Variants in HOGA1 observed in about 807,000 individuals in gnomAD.
HOGA1 encodes 4-hydroxy-2-oxoglutarate aldolase 1, also known as 4-hydroxy-2-oxoglutarate aldolase, mitochondrial.
A neutral mutation model predicts 34.3 loss-of-function variants in HOGA1; 30 were observed. The ratio of observed to expected loss-of-function variants is 0.87; its 90% CI spans 0.65 to 1.19. The LOEUF (loss-of-function observed/expected upper bound fraction) is 1.19. Ranked by LOEUF, HOGA1 falls within the 50% of genes most tolerant of loss-of-function variation. The pLI is 0.00. For synonymous variants in HOGA1, 161 were observed against 174.0 expected (o/e 0.93, Z 0.59); for missense variants, 417 against 436.5 (o/e 0.96, Z 0.40).
At position 97,599,787 on chromosome 10, in the gene HOGA1, T is replaced by C. The variant is rs1333379297; in HGVS notation, c.576T>C (p.Ile192=). ...AVVTLSQHPN[I]VGMKDSGGDV... is the part of the protein sequence containing the mutation. ...TCACGCTTTCCCAGCACCCGAATATTGTGGGCATGAAGGACAGCGGTGGTG... is the reference window on the plus strand; with the variant it reads ...TCACGCTTTCCCAGCACCCGAATATCGTGGGCATGAAGGACAGCGGTGGTG... Residue 192 remains isoleucine, a synonymous_variant, in exon 4 of 7, where the codon ATT becomes ATC. Transcript: ENST00000370646. 1 of 1,614,048 alleles carries C rather than the reference T, an allele frequency of 6.2e-7. No homozygotes were observed. The highest frequency in any genetic ancestry group is 1.3e-5 in the African/African-American group (1 of 74,910).
Position 97,611,502 on chromosome 10 carries a change from C to G in HOGA1, c.835-8C>G. ...TCTCAGTCTCTTCTAACAGGCCCTGCTTTGCAGGTGACCCGGCGCTTTGGG... is the reference window on the plus strand; with the variant it reads ...TCTCAGTCTCTTCTAACAGGCCCTGGTTTGCAGGTGACCCGGCGCTTTGGG... On this transcript the variant is annotated splice_polypyrimidine_tract_variant and splice_region_variant and intron_variant, in intron 6 of 6. Transcript: ENST00000370646. The G allele has an allele frequency of 6.2e-7, 1 of 1,614,232 alleles. No homozygotes were observed.
chr10:97,595,830 T>C (rs2041066273), intron 1 of HOGA1, among the ~76,000 whole-genome samples: 2 of 152,204 alleles, frequency 1.3e-5, no homozygotes, highest in Non-Finnish European at 2.9e-5. Flanking sequence ...TTTCTGCTTT[T>C]TCCCCAGTCC....
At chr10:97,591,817 TTGTGTGTGTGTGTG>T (rs56742680) in intron 1 of HOGA1, among the ~76,000 whole-genome samples, 22 of 111,056 alleles carry the variant, frequency 2.0e-4, no homozygotes, top group African/African-American at 6.9e-4. Context: ...TTCTTTCATT[TTGTGTGTGTGTGTG>T]TGTGTGTGTG....
At chr10:97,586,695 A>G (rs2040973791) in intron 1 of HOGA1, among the ~76,000 whole-genome samples, 1 of 152,192 alleles carries the variant, frequency 6.6e-6, no homozygotes, top group Non-Finnish European at 1.5e-5. Context: ...GAATCCACAG[A>G]GACCCCCAGA....
intron 6 of HOGA1, among the ~76,000 whole-genome samples, chr10:97,609,250 A>G (rs1261479103): frequency 6.6e-6 from 1 of 152,196 alleles, no homozygotes; most frequent in Non-Finnish European, 1.5e-5. Context: ...CCACCGGGAC[A>G]GGAAACGGAG....
intron 1 of HOGA1, among the ~76,000 whole-genome samples, chr10:97,589,044 G>T (rs1564754988): frequency 6.6e-6 from 1 of 152,108 alleles, no homozygotes; most frequent in Non-Finnish European, 1.5e-5. Flanking sequence ...GGGTTTGTAG[G>T]TGCCTCACTA....
intron 5 of HOGA1, chr10:97,600,776 G>T (rs1105999): frequency 0.59 from 94,224 of 159,872 alleles, 28,537 homozygotes; most frequent in Non-Finnish European, 0.68. Context: ...GAGATTTGAG[G>T]GACTTTTCCA....
At chr10:97,592,900 G>A (rs775308644) in intron 1 of HOGA1, among the ~76,000 whole-genome samples, 8 of 151,760 alleles carry the variant, frequency 5.3e-5, no homozygotes, top group Admixed American at 3.3e-4. Flanking sequence ...GCATGGTGGT[G>A]CCCACCTTAA....
chr10:97,590,260 G>T lies in HOGA1; in HGVS notation c.211+5346G>T, dbSNP rs7093840. ...CTGGAAAAGCCCCATCCACTGATGA[G>T]GCCACGTGGGCCGCTGTGGCTGCCT... On this transcript the variant is annotated intron_variant, in intron 1 of 6. Coordinates refer to ENST00000370646, the MANE Select transcript of HOGA1 (RefSeq NM_138413.4). 168 of 1,613,544 alleles carry T rather than the reference G, an allele frequency of 1.0e-4. 1 individual carries two copies. The African/African-American group carries it at 1.6e-3, about 16-fold the overall frequency.
intron 6 of HOGA1, among the ~76,000 whole-genome samples, chr10:97,610,655 C>T (rs150630755): frequency 0.021 from 3,263 of 152,076 alleles, 115 homozygotes; most frequent in African/African-American, 0.072. Context: ...ATAAAACGAG[C>T]TTGGTGTGGT....
chr10:97,611,364 T>C, intron 6 of HOGA1, 146 bp from the exon 7 acceptor site: 1 of 827,386 alleles, frequency 1.2e-6, no homozygotes, highest in Non-Finnish European at 2.0e-6. Context: ...GGATTCCCAA[T>C]GTACCCTGGG....
intron 6 of HOGA1, among the ~76,000 whole-genome samples, chr10:97,602,890 C>A (rs2041130843): frequency 6.6e-6 from 1 of 152,230 alleles, no homozygotes; most frequent in African/African-American, 2.4e-5. Context: ...TGGGGTTTCA[C>A]CATATTGGCT....
At position 97,599,132 on chromosome 10, in the gene HOGA1, CG is replaced by C. The variant is rs1249492478; in HGVS notation, c.388del (p.Ala130LeufsTer7). 1 of 1,613,606 alleles carries C rather than the reference CG, an allele frequency of 6.2e-7. No homozygotes were observed. The highest frequency in any genetic ancestry group is 8.5e-7 in the Non-Finnish European group (1 of 1,180,030). ...VEMTVSMAQVGADAAMVVTPC... is the reference protein window; with the variant it reads ...VEMTVSMAQVXADAAMVVTPC... ...AGATGACCGTCAGCATGGCCCAGGTCGGGGCTGACGCGGCCATGGTGGTGAC... is the reference window on the plus strand; with the variant it reads ...AGATGACCGTCAGCATGGCCCAGGTCGGGCTGACGCGGCCATGGTGGTGAC... On this transcript the variant is annotated frameshift_variant, in exon 3 of 7. Coordinates refer to ENST00000370646, the MANE Select transcript of HOGA1 (RefSeq NM_138413.4). LOFTEE classifies it high-confidence loss of function.
chr10:97,612,221 A>T lies in HOGA1; in HGVS notation c.*562A>T, dbSNP rs1472824966. On this transcript the variant is annotated 3_prime_UTR_variant, in exon 7 of 7. Transcript: ENST00000370646. ...CACCGTGTTGGCCAGGCTGGTCTTGAACTCCTGACCTCAGGTGATCCAACT... is the reference window on the plus strand; with the variant it reads ...CACCGTGTTGGCCAGGCTGGTCTTGTACTCCTGACCTCAGGTGATCCAACT... The T allele has an allele frequency of 6.5e-6, 1 of 153,398 alleles. No homozygotes were observed. Among genetic ancestry groups the T allele is most frequent in the East Asian group, 1.9e-4 (1 of 5,194 alleles). 9.5% of individuals were successfully genotyped at this position (153,398 alleles called of 1,614,324 possible). A position where few individuals can be genotyped will look rare whatever the true frequency, so the allele number is the denominator to read the frequency against.
In HOGA1 at chr10:97,611,924, C is replaced by G; in HGVS notation, c.*265C>G. On this transcript the variant is annotated 3_prime_UTR_variant, in exon 7 of 7. Coordinates refer to ENST00000370646, the MANE Select transcript of HOGA1 (RefSeq NM_138413.4). ...GGGAAGGAGCAATTTCTCAATTTAT[C>G]TTTCTACTGTGGATGCTTTCCTACG... 1.9e-6 allele frequency: 1 copy of G among 519,362 alleles called. No homozygotes were observed. The highest frequency in any genetic ancestry group is 3.5e-6 in the Non-Finnish European group (1 of 289,390). 32.2% of individuals were successfully genotyped at this position (519,362 alleles called of 1,614,324 possible). A position where few individuals can be genotyped will look rare whatever the true frequency, so the allele number is the denominator to read the frequency against.
chr10:97,600,578 G>A (rs1382473269), intron 5 of HOGA1: 2 of 279,758 alleles, frequency 7.1e-6, no homozygotes, highest in African/African-American at 4.4e-5. Flanking sequence ...CAGATCTACA[G>A]AGTTGAGCCA....
chr10:97,605,127 G>A (rs1046660620), intron 6 of HOGA1, among the ~76,000 whole-genome samples: 7 of 152,168 alleles, frequency 4.6e-5, no homozygotes, highest in African/African-American at 1.4e-4. Flanking sequence ...AGAAACTGCT[G>A]GCTGGGTGTG....
intron 1 of HOGA1, among the ~76,000 whole-genome samples, chr10:97,585,927 A>G (rs2040967429): frequency 6.6e-6 from 1 of 152,188 alleles, no homozygotes; most frequent in South Asian, 2.1e-4. Context: ...TCATGAGGTC[A>G]GGAGTTCAAG....
chr10:97,611,947 A>G lies in HOGA1; in HGVS notation c.*288A>G. 4 of 447,594 alleles carry G rather than the reference A, an allele frequency of 8.9e-6. No individual in the cohort carries two copies. In the South Asian group the frequency reaches 1.2e-4, roughly 13 times the overall value. The allele number at this position is 447,594 out of a possible 1,614,324, so 27.7% of individuals were successfully genotyped here. On this transcript the variant is annotated 3_prime_UTR_variant, in exon 7 of 7. Coordinates refer to ENST00000370646, the MANE Select transcript of HOGA1 (RefSeq NM_138413.4). Reference sequence around the variant, plus strand: ...ATCTTTCTACTGTGGATGCTTTCCTACGCCCTGAGGCACATGAAGTCAGAA... The same window carrying G: ...ATCTTTCTACTGTGGATGCTTTCCTGCGCCCTGAGGCACATGAAGTCAGAA...
Sources: allele counts gnomAD v4.1 joint callset (sites outside exome capture counted in the v4.1 genomes callset), GRCh38; gene constraint gnomAD v4.1.1; transcripts MANE v1.5; gene names NCBI Gene and HGNC (gene_info 2026-07-23, HGNC 2026-07-21).